The following TBL1X variants were observed in gnomAD, a reference collection of about 807,000 sequenced individuals.
The protein encoded by TBL1X is F-box-like/WD repeat-containing protein TBL1X.
Under a neutral mutation model 50.7 loss-of-function variants are expected in TBL1X, and 10 were observed. The ratio of observed to expected loss-of-function variants is 0.20; its 90% confidence interval spans 0.12 to 0.33. TBL1X has a LOEUF of 0.33. Ranked by LOEUF, TBL1X falls within the 10% of genes least tolerant of loss-of-function variation. TBL1X has a pLI of 1.00. For synonymous variants in TBL1X, 190 were observed against 214.7 expected (o/e 0.88, Z 1.01); for missense variants, 340 against 504.4 (o/e 0.67, Z 3.12).
chrX:9,495,289 G>C (rs912610859), intron 1 of TBL1X, among the ~76,000 whole-genome samples: 1 of 111,566 alleles, frequency 9.0e-6, no homozygotes, highest in Non-Finnish European at 1.9e-5. Flanking sequence ...AGGAATTGTC[G>C]AGGGCGGAGG....
intron 12 of TBL1X, among the ~76,000 whole-genome samples, chrX:9,701,033 A>C (rs748400591): frequency 2.0e-4 from 22 of 110,115 alleles, no homozygotes; most frequent in Non-Finnish European, 3.4e-4. Flanking sequence ...ACAGTAGCTG[A>C]GGGAGATCTT....
intron 2 of TBL1X, among the ~76,000 whole-genome samples, chrX:9,608,855 A>T (rs2082597469): frequency 8.9e-6 from 1 of 112,330 alleles, no homozygotes; most frequent in African/African-American, 3.2e-5. Flanking sequence ...GGGGAAGCTC[A>T]GGGAGCAGCT....
intron 2 of TBL1X, among the ~76,000 whole-genome samples, chrX:9,584,605 C>T (rs1298924589): frequency 3.6e-5 from 4 of 111,939 alleles, no homozygotes; most frequent in African/African-American, 1.3e-4. Flanking sequence ...GAGAAAGCTT[C>T]GCATTTACAA....
intron 2 of TBL1X, among the ~76,000 whole-genome samples, chrX:9,580,417 C>A (rs1026865478): frequency 2.7e-5 from 3 of 111,741 alleles, no homozygotes; most frequent in African/African-American, 9.8e-5. Context: ...CATAGGTAGA[C>A]AAGGGACAAA....
intron 2 of TBL1X, among the ~76,000 whole-genome samples, chrX:9,627,791 C>G (rs1370291924): frequency 8.9e-6 from 1 of 112,256 alleles, no homozygotes; most frequent in Non-Finnish European, 1.9e-5. Context: ...ACTTGGGGTT[C>G]AAATCCTACT....
chrX:9,664,347 A>C (rs1179083790), intron 5 of TBL1X, among the ~76,000 whole-genome samples: 1 of 112,510 alleles, frequency 8.9e-6, no homozygotes, highest in African/African-American at 3.2e-5. Flanking sequence ...TTCGCAGGTC[A>C]TTAGCCATAT....
chrX:9,546,565 T>G (rs988919590), intron 2 of TBL1X, among the ~76,000 whole-genome samples: 3 of 111,372 alleles, frequency 2.7e-5, no homozygotes, highest in Admixed American at 9.5e-5. Context: ...CAAGTCTGTT[T>G]ACTTATGTGT....
chrX:9,491,326 ATATATATATATATTTTT>A (rs2081941680), intron 1 of TBL1X, among the ~76,000 whole-genome samples: 2 of 29,325 alleles, frequency 6.8e-5, no homozygotes, highest in African/African-American at 2.5e-4. Flanking sequence ...ATATATATAT[ATATATATATATATTTTT>A]TTTTTTTTTT....
At chrX:9,483,351 A>G (rs1431551375) in intron 1 of TBL1X, among the ~76,000 whole-genome samples, 3 of 112,580 alleles carry the variant, frequency 2.7e-5, no homozygotes, top group Admixed American at 9.4e-5. Flanking sequence ...AAAAAGACCA[A>G]CAAGACTTTG....
At chrX:9,666,593 G>T (rs1601826643) in intron 5 of TBL1X, among the ~76,000 whole-genome samples, 1 of 112,042 alleles carries the variant, frequency 8.9e-6, no homozygotes, top group Non-Finnish European at 1.9e-5. Context: ...CTGTTTGCTA[G>T]ATGCTTTAAG....
chrX:9,522,642 G>A (rs1037584004), intron 2 of TBL1X, among the ~76,000 whole-genome samples: 1 of 111,846 alleles, frequency 8.9e-6, no homozygotes, highest in African/African-American at 3.2e-5. Flanking sequence ...AGGAGGGTTG[G>A]GACTGTGTGA....
rs375892496 is a variant in TBL1X at position 9,716,748 on chromosome X, G to A, written c.*502G>A. ...AGACCAGTTTGTACCGATGAAACGC[G>A]CAACTTTGTAATCCCAACACTTTCT... On this transcript the variant is annotated 3_prime_UTR_variant, in exon 18 of 18. Transcript: ENST00000645353. 1.2e-3 allele frequency: 129 copies of A among 111,118 alleles called. 1 individual carries two copies. In the South Asian group the frequency reaches 0.047, roughly 40 times the overall value. The allele number at this position is 111,118 out of a possible 1,213,427, so 9.2% of individuals were successfully genotyped here.
At chrX:9,612,674 G>A (rs1475843885) in intron 2 of TBL1X, among the ~76,000 whole-genome samples, 1 of 111,086 alleles carries the variant, frequency 9.0e-6, no homozygotes, top group Non-Finnish European at 1.9e-5. Context: ...TCTTTGGTCA[G>A]TGATGTCTGA....
intron 2 of TBL1X, among the ~76,000 whole-genome samples, chrX:9,542,036 C>T (rs191674126): frequency 9.2e-6 from 1 of 108,534 alleles, no homozygotes; most frequent in Non-Finnish European, 1.9e-5. Flanking sequence ...GAGGAAACAA[C>T]AACAGAGTTT....
intron 1 of TBL1X, among the ~76,000 whole-genome samples, chrX:9,486,612 C>A (rs1386401066): frequency 9.3e-6 from 1 of 107,348 alleles, no homozygotes; most frequent in African/African-American, 3.4e-5. Flanking sequence ...GCCCCCGCCG[C>A]CTCAAGTCTT....
chrX:9,687,519 G>A (rs1319184849), intron 6 of TBL1X, among the ~76,000 whole-genome samples: 1 of 111,271 alleles, frequency 9.0e-6, no homozygotes, highest in Non-Finnish European at 1.9e-5. Flanking sequence ...GGGGCTGCGT[G>A]TTTCTCTGTG....
intron 16 of TBL1X, among the ~76,000 whole-genome samples, 172 bp downstream of exon 16, chrX:9,711,948 TCCCCCACCAGACA>T (rs1266014581): frequency 5.4e-5 from 6 of 112,133 alleles, no homozygotes; most frequent in Non-Finnish European, 9.4e-5. Flanking sequence ...TGTCAGCTCT[TCCCCCACCAGACA>T]CCTCCGGCAG....
intron 2 of TBL1X, among the ~76,000 whole-genome samples, chrX:9,575,021 G>T (rs758866993): frequency 9.0e-6 from 1 of 111,585 alleles, no homozygotes; most frequent in Non-Finnish European, 1.9e-5. Context: ...AACTACCTGA[G>T]ACTGGGTAAT....
At chrX:9,699,349 G>C (rs191279535) in intron 12 of TBL1X, among the ~76,000 whole-genome samples, 140 of 111,976 alleles carry the variant, frequency 1.3e-3, no homozygotes, top group African/African-American at 4.4e-3. Context: ...AGAGCTAATA[G>C]ACTATTGGAA....
Sources: gnomAD v4.1 joint callset for allele counts (sites outside exome capture counted in the v4.1 genomes callset) on GRCh38, gnomAD v4.1.1 for gene constraint, MANE v1.5 for transcripts, NCBI Gene and HGNC (gene_info 2026-07-23, HGNC 2026-07-21) for gene names.